The following KAT2B variants were observed in gnomAD, a reference collection of about 807,000 sequenced individuals.
The protein encoded by KAT2B is histone acetyltransferase KAT2B.
A neutral mutation model predicts 105.9 loss-of-function variants in KAT2B; 36 were observed. The observed-to-expected ratio is 0.34, with a 90% confidence interval of 0.26 to 0.45. The LOEUF is 0.45. Ranked by LOEUF, KAT2B falls within the 20% of genes least tolerant of loss-of-function variation. KAT2B has a pLI of 1.00. For synonymous variants in KAT2B, 397 were observed against 377.9 expected, an observed-to-expected ratio of 1.05 and a Z score of -0.59; for missense variants, 820 against 1,021.6, an observed-to-expected ratio of 0.80 and a Z score of 2.69.
intron 7 of KAT2B, among the ~76,000 whole-genome samples, chr3:20,117,131 C>T (rs755588030): frequency 6.6e-6 from 1 of 152,192 alleles, no homozygotes; most frequent in Non-Finnish European, 1.5e-5. Context: ...CAAAATTCTC[C>T]AGTCTGCTCA....
chr3:20,100,657 C>T (rs1444425577), intron 4 of KAT2B, among the ~76,000 whole-genome samples: 1 of 152,020 alleles, frequency 6.6e-6, no homozygotes, highest in African/African-American at 2.4e-5. Context: ...TTTATTTTGC[C>T]TCCAAACTCT....
At chr3:20,141,650 G>A (rs1699696323) in intron 13 of KAT2B, among the ~76,000 whole-genome samples, 2 of 152,004 alleles carry the variant, frequency 1.3e-5, no homozygotes, top group Admixed American at 6.6e-5. Context: ...TTAGTTTTTT[G>A]TTAGGCATTA....
chr3:20,081,748 AAC>A (rs1698522546), intron 2 of KAT2B, among the ~76,000 whole-genome samples: 2 of 152,050 alleles, frequency 1.3e-5, no homozygotes, highest in Non-Finnish European at 2.9e-5. Flanking sequence ...AGATTGTAAA[AAC>A]ACTTTTAATT....
At position 20,146,347 on chromosome 3, in the gene KAT2B, C is replaced by T. The variant is rs1413665077; in HGVS notation, c.2036C>T (p.Ala679Val). ...IIKKLIERKQ[A>V]QIRKVYPGLS... ...AAAAAACTGATTGAAAGAAAACAGG[C>T]ACAAATTCGAAAAGTTTACCCTGGA... The change falls in exon 14 of 18, where the codon GCA becomes GTA. Residue 679 changes from alanine (A) to valine (V), a missense_variant. Physicochemically the swap from Ala to Val is moderately conservative, Grantham distance 64. Around this residue, in one of 6 missense-constraint regions of KAT2B, gnomAD observed 227 missense variants for 292.9 expected, o/e 0.77. Coordinates refer to ENST00000263754, the MANE Select transcript of KAT2B (RefSeq NM_003884.5). 1 of 1,611,604 alleles carries T rather than the reference C, an allele frequency of 6.2e-7. No homozygotes were observed. Among genetic ancestry groups the T allele is most frequent in the South Asian group, 1.1e-5 (1 of 91,030 alleles).
Position 20,148,311 on chromosome 3 carries a change from G to A in KAT2B, c.2220+5G>A. ...AGCATCCTCCAGCAGGTGAAGGTGG[G>A]TGTCCTCTTTATTCACCTCATGCAA... On this transcript the variant is annotated splice_donor_5th_base_variant and intron_variant, in intron 16 of 17. Coordinates refer to ENST00000263754, the MANE Select transcript of KAT2B (RefSeq NM_003884.5). The A allele has an allele frequency of 1.2e-6, 2 of 1,613,368 alleles. No individual in the cohort carries two copies. Among genetic ancestry groups the A allele is most frequent in the Non-Finnish European group, 8.5e-7 (1 of 1,179,364 alleles).
intron 7 of KAT2B, among the ~76,000 whole-genome samples, chr3:20,115,369 C>T (rs79240974): frequency 0.014 from 2,107 of 152,264 alleles, 44 homozygotes; most frequent in African/African-American, 0.047. Context: ...AAGACAGATG[C>T]CTTCTGGAGT....
chr3:20,075,423 C>T (rs527833109), intron 2 of KAT2B, among the ~76,000 whole-genome samples: 86 of 151,838 alleles, frequency 5.7e-4, no homozygotes, highest in Admixed American at 1.5e-3. Flanking sequence ...TAATTCATTT[C>T]GGTTCTGACA....
At chr3:20,112,682 A>T (rs1699142725) in intron 6 of KAT2B, among the ~76,000 whole-genome samples, 1 of 152,174 alleles carries the variant, frequency 6.6e-6, no homozygotes, top group Non-Finnish European at 1.5e-5. Context: ...CTGGCTAGGT[A>T]TGATATAGCC....
At chr3:20,140,499 TTC>T (rs745853401) in intron 13 of KAT2B, 135 bp downstream of exon 13, 170 of 817,668 alleles carry the variant, frequency 2.1e-4, no homozygotes, top group Non-Finnish European at 2.8e-4. Flanking sequence ...TCTAGATTTC[TTC>T]TCTCTCTCTT....
intron 5 of KAT2B, among the ~76,000 whole-genome samples, chr3:20,105,742 A>T (rs1383631810): frequency 6.8e-6 from 1 of 146,854 alleles, no homozygotes; most frequent in African/African-American, 2.5e-5. Flanking sequence ...GGCTGCTTGG[A>T]GCTGTCCATG....
rs761735374 is a variant in KAT2B, at chr3:20,144,276, C to CTTTT, written c.2005-2013_2005-2010dup. Among the ~76,000 whole-genome samples the CTTTT allele has an allele frequency of 2.0e-3, 180 of 89,374 alleles. 5 individuals are homozygous for CTTTT. Among genetic ancestry groups the CTTTT allele is most frequent in the Non-Finnish European group, 2.8e-3 (127 of 45,832 alleles). 58.6% of individuals were successfully genotyped at this position (89,374 alleles called of 152,430 possible). A position where few individuals can be genotyped will look rare whatever the true frequency, so the allele number is the denominator to read the frequency against. ...GATTTAAGAGATTGCCCTTGGGATTCTTTTTTTTTTTTTTTTTTTTTTTTT... is the reference window on the plus strand; with the variant it reads ...GATTTAAGAGATTGCCCTTGGGATTCTTTTTTTTTTTTTTTTTTTTTTTTTTTTT... On this transcript the variant is annotated intron_variant, in intron 13 of 17. Coordinates refer to ENST00000263754, the MANE Select transcript of KAT2B (RefSeq NM_003884.5).
chr3:20,077,541 G>A (rs1237277316), intron 2 of KAT2B, among the ~76,000 whole-genome samples: 2 of 152,292 alleles, frequency 1.3e-5, no homozygotes, highest in Admixed American at 6.5e-5. Flanking sequence ...AATACACACA[G>A]TTTTTGAAGA....
chr3:20,042,267 A>G (rs1291269086), intron 1 of KAT2B, among the ~76,000 whole-genome samples: 1 of 152,212 alleles, frequency 6.6e-6, no homozygotes, highest in Admixed American at 6.5e-5. Flanking sequence ...ACAAATAATA[A>G]TGCTATGTGG....
At chr3:20,104,895 T>G (rs1185701439) in intron 5 of KAT2B, among the ~76,000 whole-genome samples, 1 of 151,608 alleles carries the variant, frequency 6.6e-6, no homozygotes, top group East Asian at 1.9e-4. Flanking sequence ...TTTTTGTTTT[T>G]TTTTTTTTTG....
intron 2 of KAT2B, among the ~76,000 whole-genome samples, chr3:20,086,658 C>T (rs1171042558): frequency 6.6e-6 from 1 of 152,158 alleles, no homozygotes; most frequent in Non-Finnish European, 1.5e-5. Context: ...GCATATTCCT[C>T]ATCATGGGTC....
At position 20,111,696 on chromosome 3, in the gene KAT2B, G is replaced by A. The variant is rs1699123572; in HGVS notation, c.952G>A (p.Val318Ile). 1 of 1,613,962 alleles carries A rather than the reference G, an allele frequency of 6.2e-7. No individual in the cohort carries two copies. The highest frequency in any genetic ancestry group is 1.3e-5 in the African/African-American group (1 of 74,908). The change falls in exon 6 of 18, where the codon GTT (valine) becomes ATT (isoleucine). Residue 318 changes from valine (V) to isoleucine (I), a missense_variant. Around this residue, in one of 6 missense-constraint regions of KAT2B, gnomAD observed 173 missense variants for 249.5 expected, o/e 0.69. Transcript: ENST00000263754. ...AACATTGCTTCGCTCGGTCTTCACT[G>A]TTATGAGGCGACAACTCCTGGAACA... is the stretch of plus-strand genomic sequence containing the variant. ...GRTLLRSVFT[V>I]MRRQLLEQAR...
chr3:20,100,169 A>C (rs1320047734), intron 4 of KAT2B, among the ~76,000 whole-genome samples: 1 of 152,158 alleles, frequency 6.6e-6, no homozygotes, highest in African/African-American at 2.4e-5. Flanking sequence ...TTACATACTC[A>C]CAGTTTACTG....
At chr3:20,061,834 A>ATATATTATACAT (rs377468281) in intron 1 of KAT2B, among the ~76,000 whole-genome samples, 1 of 126,768 alleles carries the variant, frequency 7.9e-6, no homozygotes, top group Non-Finnish European at 1.6e-5. Flanking sequence ...ATAATATATA[A>ATATATTATACAT]TATACATAAA....
chr3:20,142,695 G>T (rs1366465755), intron 13 of KAT2B, among the ~76,000 whole-genome samples: 1 of 151,744 alleles, frequency 6.6e-6, no homozygotes, highest in Non-Finnish European at 1.5e-5. Context: ...CACCTGACAG[G>T]GCTTTGTGGG....
Sources: allele counts gnomAD v4.1 joint callset (sites outside exome capture counted in the v4.1 genomes callset), GRCh38; gene constraint gnomAD v4.1.1; regional missense constraint gnomAD v4.1.1; transcripts MANE v1.5; gene names NCBI Gene and HGNC (gene_info 2026-07-23, HGNC 2026-07-21).